The following WDFY4 variants were observed in gnomAD, a reference collection of about 807,000 sequenced individuals.
WDFY4 encodes the protein WD repeat- and FYVE domain-containing protein 4.
A neutral mutation model predicts 351.9 loss-of-function variants in WDFY4; 169 were observed. That is an observed-to-expected ratio of 0.48 (90% CI 0.42 to 0.55). The LOEUF is 0.55. Ranked by LOEUF, WDFY4 falls within the 20% of genes least tolerant of loss-of-function variation. The pLI is 0.00. For missense variants in WDFY4, 3,803 were observed against 3,935.6 expected (o/e 0.97, Z 0.90); for synonymous variants, 1,622 against 1,574.6 (o/e 1.03, Z -0.71).
At chr10:48,772,169 G>A (rs1207932296) in intron 13 of WDFY4, among the ~76,000 whole-genome samples, 1 of 152,128 alleles carries the variant, frequency 6.6e-6, no homozygotes, top group Admixed American at 6.6e-5. Context: ...GACTCGGGAG[G>A]GAAGGAGAGT....
intron 13 of WDFY4, among the ~76,000 whole-genome samples, chr10:48,772,708 C>T (rs1245760612): frequency 6.7e-6 from 1 of 148,150 alleles, no homozygotes; most frequent in Non-Finnish European, 1.5e-5. Context: ...ACCCCCACCC[C>T]ACCACAGTCC....
intron 47 of WDFY4, among the ~76,000 whole-genome samples, chr10:48,916,083 G>A (rs1185729294): frequency 2.0e-5 from 3 of 152,240 alleles, no homozygotes; most frequent in Admixed American, 2.0e-4. Context: ...AATGCACAGA[G>A]AAGCACTCTG....
intron 16 of WDFY4, 66 bp from the exon 17 acceptor site, chr10:48,777,352 GA>G: frequency 1.4e-6 from 2 of 1,422,364 alleles, no homozygotes; most frequent in South Asian, 2.5e-5. Context: ...TCATGGCCCA[GA>G]CTAGCTGTGT....
intron 31 of WDFY4, 96 bp from the exon 32 acceptor site, chr10:48,817,149 C>A (rs2067646656): frequency 1.4e-6 from 2 of 1,385,986 alleles, no homozygotes; most frequent in South Asian, 2.7e-5. Context: ...TTGAAAGTCT[C>A]AGGAAGGAAT....
intron 12 of WDFY4, chr10:48,745,930 G>A (rs1380232157): frequency 8.6e-6 from 2 of 232,888 alleles, no homozygotes; most frequent in South Asian, 6.6e-5. Flanking sequence ...AATAACAGGG[G>A]CCTCATCAGG....
chr10:48,876,016 T>A (rs1383672876), intron 42 of WDFY4, among the ~76,000 whole-genome samples: 2 of 152,250 alleles, frequency 1.3e-5, no homozygotes, highest in African/African-American at 2.4e-5. Context: ...TGAACTGATC[T>A]TTTTGTGGAT....
chr10:48,787,924 CT>C (rs1348966929), intron 20 of WDFY4, among the ~76,000 whole-genome samples: 3 of 77,010 alleles, frequency 3.9e-5, no homozygotes, highest in Non-Finnish European at 7.4e-5. Flanking sequence ...TCTTCTTCTT[CT>C]TCTTCTTCTT....
intron 20 of WDFY4, 112 bp from the exon 21 acceptor site, chr10:48,788,418 A>G (rs761748786): frequency 2.6e-4 from 340 of 1,305,060 alleles, no homozygotes; most frequent in Middle Eastern, 9.8e-4. Flanking sequence ...ACAACATACA[A>G]ACATCCTCTC....
At chr10:48,862,372 A>G (rs2069374235) in intron 39 of WDFY4, among the ~76,000 whole-genome samples, 1 of 152,196 alleles carries the variant, frequency 6.6e-6, no homozygotes, top group South Asian at 2.1e-4. Context: ...CCCCCAGGCC[A>G]TGGACCCGGT....
chr10:48,930,573 G>T (rs868661603), intron 47 of WDFY4, among the ~76,000 whole-genome samples: 1 of 152,178 alleles, frequency 6.6e-6, no homozygotes, highest in South Asian at 2.1e-4. Context: ...ACTCTGGGAA[G>T]AGGTGGGACT....
At chr10:48,782,371 C>T (rs989900680) in intron 19 of WDFY4, among the ~76,000 whole-genome samples, 3 of 152,234 alleles carry the variant, frequency 2.0e-5, no homozygotes, top group African/African-American at 4.8e-5. Flanking sequence ...GGGGCTGACA[C>T]ACAGTAAGCA....
chr10:48,873,657 G>C lies in WDFY4; in HGVS notation c.6908G>C (p.Arg2303Pro). The C allele has an allele frequency of 1.3e-6, 2 of 1,551,822 alleles. No individual in the cohort carries two copies. The highest frequency in any genetic ancestry group is 8.7e-7 in the Non-Finnish European group (1 of 1,147,014). The change falls in exon 41 of 62, where the codon CGC becomes CCC. Residue 2303 changes from arginine (R) to proline (P), a missense_variant. Arg to Pro is a moderately radical substitution (Grantham distance 103). Transcript: ENST00000325239. Reference sequence around the variant, plus strand: ...GCTCGAATGAGGAAACGCATCAAACGCTTGTCTCCTTTGGAGGCCCTGAGC... The same window carrying C: ...GCTCGAATGAGGAAACGCATCAAACCCTTGTCTCCTTTGGAGGCCCTGAGC... Reference protein sequence around the residue: ...GPARMRKRIKRLSPLEALSSG... With the variant: ...GPARMRKRIKPLSPLEALSSG...
At chr10:48,913,336 G>A in intron 47 of WDFY4, 1 of 1,538,320 alleles carries the variant, frequency 6.5e-7, no homozygotes, top group Non-Finnish European at 8.8e-7. Flanking sequence ...GTAGCCCACT[G>A]CCCTCTTCCC....
chr10:48,901,738 C>T, intron 46 of WDFY4, 63 bp from the exon 47 acceptor site: 1 of 1,512,694 alleles, frequency 6.6e-7, no homozygotes, highest in Non-Finnish European at 9.0e-7. Flanking sequence ...CCGGAAATGC[C>T]TCTGCAGCAG....
intron 27 of WDFY4, among the ~76,000 whole-genome samples, chr10:48,807,168 G>C (rs996609260): frequency 2.0e-5 from 3 of 152,166 alleles, no homozygotes; most frequent in African/African-American, 7.2e-5. Flanking sequence ...GTATGGCGTG[G>C]TGTATGCCCT....
At chr10:48,965,824 C>CTGTATCAGTTAGATATAGATTATATA (rs1175915284) in intron 54 of WDFY4, among the ~76,000 whole-genome samples, 1 of 152,182 alleles carries the variant, frequency 6.6e-6, no homozygotes, top group Non-Finnish European at 1.5e-5. Context: ...TAGATTATAT[C>CTGTATCAGTTAGATATAGATTATATA]TATACCAGTT....
intron 39 of WDFY4, among the ~76,000 whole-genome samples, chr10:48,863,971 C>T (rs1033885235): frequency 2.0e-5 from 3 of 152,102 alleles, no homozygotes; most frequent in Non-Finnish European, 4.4e-5. Context: ...ATCACAAGAA[C>T]AGCATGGGGG....
intron 17 of WDFY4, 113 bp downstream of exon 17, chr10:48,777,608 G>A (rs2066076349): frequency 1.8e-6 from 2 of 1,086,390 alleles, no homozygotes; most frequent in East Asian, 5.3e-5. Flanking sequence ...GAGCTGTGCT[G>A]GGCATGGTGG....
intron 19 of WDFY4, 145 bp downstream of exon 19, chr10:48,780,264 CT>C: frequency 9.0e-7 from 1 of 1,105,208 alleles, no homozygotes; most frequent in Non-Finnish European, 1.3e-6. Context: ...TGAAATCTGC[CT>C]TACTGTTCAG....
Sources: gnomAD v4.1 joint callset for allele counts (sites outside exome capture counted in the v4.1 genomes callset) on GRCh38, gnomAD v4.1.1 for gene constraint, MANE v1.5 for transcripts, NCBI Gene and HGNC (gene_info 2026-07-23, HGNC 2026-07-21) for gene names.